Variants in ZNF578 observed in about 807,000 individuals in gnomAD.
ZNF578 encodes Putative chemokine-related protein B42.
ZNF578 carries 8 observed loss-of-function variants against 8.3 expected under a neutral mutation model. The observed-to-expected ratio is 0.96, with a 90% CI of 0.56 to 1.74. ZNF578 has a LOEUF of 1.74. ZNF578 is among the 40% of genes most tolerant of loss of function. The probability of loss-of-function intolerance (pLI) is 0.00; values close to 1 mark genes in which losing one functional copy is unlikely to be tolerated. For synonymous variants in ZNF578, 206 were observed against 232.2 expected (o/e 0.89, Z 1.03); for missense variants, 726 against 707.5 (o/e 1.03, Z -0.30).
In ZNF578 at chr19:52,490,594, A is replaced by G. The variant is rs1041542341; in HGVS notation, c.-121-730A>G. Reference sequence around the variant, plus strand: ...TTCAGTAAGTCCCTGTTCTGCATGGATATAGGTAATTTTAAGACAGGTATT... The same window carrying G: ...TTCAGTAAGTCCCTGTTCTGCATGGGTATAGGTAATTTTAAGACAGGTATT... On this transcript the variant is annotated intron_variant, in intron 2 of 5. Coordinates refer to ENST00000421239, the MANE Select transcript of ZNF578 (RefSeq NM_001099694.2). 7.2e-5 allele frequency among the ~76,000 whole-genome samples: 11 copies of G among 152,094 alleles called. No homozygotes were observed. The South Asian group carries it at 8.3e-4, about 11-fold the overall frequency.
At chr19:52,493,936 G>T (rs2059376260) in intron 3 of ZNF578, among the ~76,000 whole-genome samples, 1 of 146,406 alleles carries the variant, frequency 6.8e-6, no homozygotes, top group African/African-American at 2.5e-5. Context: ...GTTGTGGTGA[G>T]CCGAGATCTC....
intron 2 of ZNF578, among the ~76,000 whole-genome samples, chr19:52,466,865 A>G (rs1461953966): frequency 6.6e-6 from 1 of 152,158 alleles, no homozygotes; most frequent in African/African-American, 2.4e-5. Context: ...GAGTTAAACA[A>G]TAGTAAGCAT....
intron 5 of ZNF578, among the ~76,000 whole-genome samples, chr19:52,506,784 G>A (rs937711692): frequency 1.3e-5 from 2 of 152,138 alleles, no homozygotes; most frequent in African/African-American, 4.8e-5. Flanking sequence ...TTCTACTTGT[G>A]ATTCATCCAC....
In ZNF578 at chr19:52,472,236, T is replaced by C. The variant is rs573399004; in HGVS notation, c.-122+15278T>C. ...TGAGAACCCTAATGGTGCATTATTA[T>C]TGTCTGCTATAAAGTATCTTCCTGT... is the stretch of plus-strand genomic sequence containing the variant. On this transcript the variant is annotated intron_variant, in intron 2 of 5. Transcript: ENST00000421239. Among the ~76,000 whole-genome samples the C allele has an allele frequency of 5.3e-5, 8 of 152,324 alleles. No homozygotes were observed. In the East Asian group the frequency reaches 1.5e-3, roughly 29 times the overall value.
chr19:52,477,689 G>A (rs148703134), intron 2 of ZNF578, among the ~76,000 whole-genome samples: 141 of 151,772 alleles, frequency 9.3e-4, no homozygotes, highest in African/African-American at 3.4e-3. Flanking sequence ...TAACATTGTG[G>A]AGCAATGCAG....
intron 2 of ZNF578, among the ~76,000 whole-genome samples, chr19:52,467,313 A>G (rs1329889007): frequency 6.6e-6 from 1 of 151,792 alleles, no homozygotes; most frequent in Non-Finnish European, 1.5e-5. Flanking sequence ...CCACACCTCA[A>G]TTTACTTTTG....
intron 2 of ZNF578, chr19:52,473,656 C>G (rs1568457680): frequency 4.8e-6 from 1 of 207,600 alleles, no homozygotes; most frequent in Non-Finnish European, 9.6e-6. Flanking sequence ...ATTTATGTCT[C>G]TCTCCAGTAT....
intron 2 of ZNF578, among the ~76,000 whole-genome samples, chr19:52,481,487 T>A (rs1023169276): frequency 2.6e-5 from 4 of 152,222 alleles, no homozygotes; most frequent in Admixed American, 6.5e-5. Flanking sequence ...GTATATAATA[T>A]AATAATTAAA....
At chr19:52,502,580 T>TA (rs146963150) in intron 4 of ZNF578, among the ~76,000 whole-genome samples, 28,948 of 151,964 alleles carry the variant, frequency 0.19, 2,960 homozygotes, top group Non-Finnish European at 0.23. Flanking sequence ...CTACTAAAAA[T>TA]ACAAAAATTA....
chr19:52,515,497 G>A lies in ZNF578; in HGVS notation c.*3343G>A, dbSNP rs1296538251. ...GAGGTTTCTCTAATTTTCAAGGATG[G>A]GGGTGATAAGAGCAACCTTTGCCAT... On this transcript the variant is annotated 3_prime_UTR_variant, in exon 6 of 6. Transcript: ENST00000421239. Among the ~76,000 whole-genome samples the A allele has an allele frequency of 1.3e-5, 2 of 152,078 alleles. No individual in the cohort carries two copies. The highest frequency in any genetic ancestry group is 4.8e-5 in the African/African-American group (2 of 41,432).
At chr19:52,496,177 CCTGT>C (rs1317409530) in intron 3 of ZNF578, among the ~76,000 whole-genome samples, 2 of 151,456 alleles carry the variant, frequency 1.3e-5, no homozygotes, top group Non-Finnish European at 2.9e-5. Flanking sequence ...CACAACCACA[CCTGT>C]CTGATTTTTG....
At chr19:52,494,587 A>G (rs1385450390) in intron 3 of ZNF578, among the ~76,000 whole-genome samples, 1 of 152,232 alleles carries the variant, frequency 6.6e-6, no homozygotes, top group African/African-American at 2.4e-5. Context: ...TTCTGTCTAT[A>G]TAATCTAATA....
intron 3 of ZNF578, among the ~76,000 whole-genome samples, chr19:52,491,994 G>T (rs770134607): frequency 1.7e-4 from 26 of 151,354 alleles, no homozygotes; most frequent in Non-Finnish European, 2.5e-4. Flanking sequence ...CCCCATCTCT[G>T]CTAAAAATAC....
intron 2 of ZNF578, chr19:52,474,481 TC>T: frequency 3.1e-6 from 1 of 318,938 alleles, no homozygotes; most frequent in East Asian, 8.0e-5. Context: ...GTAAGGCTTC[TC>T]TCCAGTATGA....
chr19:52,476,720 T>A (rs1178001797), intron 2 of ZNF578, among the ~76,000 whole-genome samples: 5 of 152,176 alleles, frequency 3.3e-5, no homozygotes, highest in Non-Finnish European at 7.3e-5. Flanking sequence ...CAAAGTAAAA[T>A]CTCAGCACTC....
chr19:52,495,136 C>T (rs368357309), intron 3 of ZNF578, among the ~76,000 whole-genome samples: 7 of 148,148 alleles, frequency 4.7e-5, no homozygotes, highest in African/African-American at 1.2e-4. Flanking sequence ...GATGAGCCAC[C>T]GCGCCCAGCC....
At chr19:52,493,846 C>T (rs533010519) in intron 3 of ZNF578, among the ~76,000 whole-genome samples, 53 of 152,002 alleles carry the variant, frequency 3.5e-4, no homozygotes, top group Admixed American at 7.2e-4. Flanking sequence ...CAAAATTAGC[C>T]GGGCGCGGTT....
chr19:52,485,021 T>C (rs945789833), intron 2 of ZNF578, among the ~76,000 whole-genome samples: 5 of 147,948 alleles, frequency 3.4e-5, no homozygotes, highest in African/African-American at 1.2e-4. Flanking sequence ...TTCACCTGGG[T>C]GCAGGCGGGC....
intron 3 of ZNF578, among the ~76,000 whole-genome samples, chr19:52,494,513 T>G (rs1238399137): frequency 2.6e-5 from 4 of 152,148 alleles, no homozygotes; most frequent in African/African-American, 7.2e-5. Flanking sequence ...AAAAAAGGGT[T>G]GGGGACTTTG....
Sources: gnomAD v4.1 joint callset for allele counts (sites outside exome capture counted in the v4.1 genomes callset) on GRCh38, gnomAD v4.1.1 for gene constraint, MANE v1.5 for transcripts, NCBI Gene and HGNC (gene_info 2026-07-23, HGNC 2026-07-21) for gene names.